PDE4D: variants seen among roughly 807,000 people sequenced by gnomAD.
PDE4D encodes 3',5'-cyclic-AMP phosphodiesterase 4D.
A neutral mutation model predicts 87.4 loss-of-function variants in PDE4D; 24 were observed. The ratio of observed to expected loss-of-function variants is 0.27; its 90% CI spans 0.20 to 0.39. The LOEUF is 0.39. Among genes scored for constraint, PDE4D ranks in the 10% least tolerant of loss-of-function variants. The pLI, the probability that PDE4D is intolerant of heterozygous loss-of-function variation, is 1.00. For missense variants in PDE4D, 714 were observed against 1,041.0 expected (o/e 0.69, Z 4.32); for synonymous variants, 384 against 383.2 (o/e 1.00, Z -0.02).
At chr5:58,999,816 A>C (rs767081626) in intron 6 of PDE4D, 4 of 997,266 alleles carry the variant, frequency 4.0e-6, no homozygotes, top group Non-Finnish European at 4.8e-6. Context: ...GGAATATCTA[A>C]AGATCTAAGG....
At chr5:59,002,126 T>A in intron 6 of PDE4D, 1 of 491,146 alleles carries the variant, frequency 2.0e-6, no homozygotes, top group Non-Finnish European at 4.1e-6. Flanking sequence ...AAAGTAACTT[T>A]AATATCACCC....
intron 2 of PDE4D, among the ~76,000 whole-genome samples, chr5:60,070,721 T>C (rs1321489225): frequency 6.6e-6 from 1 of 152,058 alleles, no homozygotes; most frequent in Non-Finnish European, 1.5e-5. Flanking sequence ...CCCTCTCCCC[T>C]TCAATTTTTT....
chr5:59,878,887 GTTTTTTT>G lies in PDE4D; in HGVS notation c.455+14274_455+14280del, dbSNP rs70975345. ...ATGGTCTACATATCTACCGAAGTAA[GTTTTTTT>G]TTTTTTTTTTTTTTTTTTTTTTGAG... is the stretch of plus-strand genomic sequence containing the variant. On this transcript the variant is annotated intron_variant, in intron 1 of 14. Coordinates refer to ENST00000340635, the MANE Select transcript of PDE4D (RefSeq NM_001104631.2). Among the ~76,000 whole-genome samples, 231 of 71,720 alleles carry G rather than the reference GTTTTTTT, an allele frequency of 3.2e-3. 1 individual carries two copies. Among genetic ancestry groups the G allele is most frequent in the African/African-American group, 0.011 (226 of 20,008 alleles). 47.1% of individuals were successfully genotyped at this position (71,720 alleles called of 152,430 possible).
At chr5:59,171,602 C>T (rs997695480) in intron 5 of PDE4D, among the ~76,000 whole-genome samples, 6 of 151,818 alleles carry the variant, frequency 4.0e-5, no homozygotes, top group Non-Finnish European at 8.8e-5. Flanking sequence ...CTTTACTGTT[C>T]CCAGTCCCCT....
intron 2 of PDE4D, among the ~76,000 whole-genome samples, chr5:60,038,821 A>G (rs1321931013): frequency 6.6e-6 from 1 of 151,876 alleles, no homozygotes; most frequent in African/African-American, 2.4e-5. Context: ...ATGCAGCCAA[A>G]AAACACATGA....
chr5:59,546,318 T>C (rs902370745), intron 1 of PDE4D, among the ~76,000 whole-genome samples: 1 of 152,150 alleles, frequency 6.6e-6, no homozygotes, highest in African/African-American at 2.4e-5. Context: ...AAGCCAAAAG[T>C]GCGTTGCGCT....
chr5:59,409,650 C>T (rs1792317069), intron 1 of PDE4D, among the ~76,000 whole-genome samples: 1 of 152,154 alleles, frequency 6.6e-6, no homozygotes. Flanking sequence ...CTACAAGTTC[C>T]CTGAGGCCTC....
At chr5:60,051,345 C>G (rs906696111) in intron 2 of PDE4D, among the ~76,000 whole-genome samples, 1 of 152,200 alleles carries the variant, frequency 6.6e-6, no homozygotes, top group African/African-American at 2.4e-5. Flanking sequence ...AACAGTCTCT[C>G]AGACCACAGT....
At chr5:60,429,941 T>G (rs1744067974) in intron 1 of PDE4D, 1 of 490,244 alleles carries the variant, frequency 2.0e-6, no homozygotes, top group African/African-American at 2.0e-5. Flanking sequence ...TTTTTTAAAG[T>G]GGTAACAGGT....
chr5:59,227,163 T>C lies in PDE4D; in HGVS notation c.456-11195A>G, dbSNP rs574120624. 2.0e-5 allele frequency among the ~76,000 whole-genome samples: 3 copies of C among 152,246 alleles called. No homozygotes were observed. In the South Asian group the frequency reaches 6.2e-4, roughly 32 times the overall value. ...CTTCTAAGATGCTATATTTCCAAAA[T>C]GCACTCTTTCTCAAAATGTGGCTTC... On this transcript the variant is annotated intron_variant, in intron 1 of 14. Coordinates refer to ENST00000340635, the MANE Select transcript of PDE4D (RefSeq NM_001104631.2).
chr5:59,799,388 C>T (rs181089982), intron 1 of PDE4D, among the ~76,000 whole-genome samples: 5 of 152,092 alleles, frequency 3.3e-5, no homozygotes, highest in East Asian at 1.9e-4. Context: ...GAAGAATTCC[C>T]GCAGAACATG....
intron 1 of PDE4D, among the ~76,000 whole-genome samples, chr5:59,358,215 A>G (rs977596506): frequency 6.6e-6 from 1 of 152,226 alleles, no homozygotes; most frequent in African/African-American, 2.4e-5. Flanking sequence ...GTAATAGAAA[A>G]GGTTTTTACA....
chr5:59,157,505 A>G lies in PDE4D; in HGVS notation c.808+23090T>C. ...ATCATTTAAAAAGAATATTCATTTCAAATTATAATGTCCAAACCAAGAGGA... is the reference window on the plus strand; with the variant it reads ...ATCATTTAAAAAGAATATTCATTTCGAATTATAATGTCCAAACCAAGAGGA... On this transcript the variant is annotated intron_variant, in intron 5 of 14. Coordinates refer to ENST00000340635, the MANE Select transcript of PDE4D (RefSeq NM_001104631.2). The G allele has an allele frequency of 3.2e-6, 2 of 616,374 alleles. 1 individual carries two copies. Among genetic ancestry groups the G allele is most frequent in the East Asian group, 5.5e-5 (2 of 36,340 alleles). 38.2% of individuals were successfully genotyped at this position (616,374 alleles called of 1,614,324 possible).
intron 1 of PDE4D, among the ~76,000 whole-genome samples, chr5:59,310,555 C>A (rs1052021923): frequency 1.3e-5 from 2 of 152,082 alleles, no homozygotes; most frequent in Admixed American, 6.6e-5. Flanking sequence ...GGGGAGAGGA[C>A]AATTCTTTCT....
chr5:59,450,181 A>AAATTTC (rs1468380318), intron 1 of PDE4D, among the ~76,000 whole-genome samples: 1 of 152,236 alleles, frequency 6.6e-6, no homozygotes, highest in African/African-American at 2.4e-5. Flanking sequence ...TTAAGGCAAA[A>AAATTTC]AATTTCAAAG....
At chr5:59,488,642 C>G (rs917799686) in intron 1 of PDE4D, among the ~76,000 whole-genome samples, 7 of 150,836 alleles carry the variant, frequency 4.6e-5, no homozygotes, top group African/African-American at 1.7e-4. Flanking sequence ...GAACAATAAA[C>G]CTTTCAAAAA....
chr5:60,018,969 C>G (rs1007595227), intron 2 of PDE4D, among the ~76,000 whole-genome samples: 2 of 152,236 alleles, frequency 1.3e-5, no homozygotes, highest in Non-Finnish European at 2.9e-5. Context: ...GAACTCAGCT[C>G]TAGGTCAAGT....
At chr5:60,489,496 A>T (rs964605250), upstream of PDE4D, among the ~76,000 whole-genome samples, 2 of 152,238 alleles carry the variant, frequency 1.3e-5, no homozygotes, top group Admixed American at 1.3e-4. Context: ...ATTTGACACC[A>T]GAAAGAAAAA....
chr5:59,659,548 A>G (rs1744903273), intron 1 of PDE4D, among the ~76,000 whole-genome samples: 1 of 152,252 alleles, frequency 6.6e-6, no homozygotes, highest in Admixed American at 6.5e-5. Context: ...TGTCATAAGA[A>G]GAGATTAGGA....
Sources: allele counts gnomAD v4.1 joint callset (sites outside exome capture counted in the v4.1 genomes callset), GRCh38; gene constraint gnomAD v4.1.1; transcripts MANE v1.5; gene names NCBI Gene and HGNC (gene_info 2026-07-23, HGNC 2026-07-21).